SUGCT: variants seen among roughly 807,000 people sequenced by gnomAD.
SUGCT encodes the protein succinyl-CoA:glutarate CoA-transferase.
SUGCT carries 41 observed loss-of-function variants against 55.0 expected under a neutral mutation model. The ratio of observed to expected loss-of-function variants is 0.74; its 90% CI spans 0.58 to 0.97. The LOEUF is 0.97. Ranked by LOEUF, SUGCT falls within the 50% of genes least tolerant of loss-of-function variation. The pLI, the probability that SUGCT is intolerant of heterozygous loss-of-function variation, is 0.00. For missense variants in SUGCT, 568 were observed against 547.8 expected, an observed-to-expected ratio of 1.04 and a Z score of -0.37; for synonymous variants, 187 against 200.4, an observed-to-expected ratio of 0.93 and a Z score of 0.56.
At chr7:40,780,083 C>A (rs531021428) in intron 13 of SUGCT, among the ~76,000 whole-genome samples, 1 of 152,158 alleles carries the variant, frequency 6.6e-6, no homozygotes, top group Non-Finnish European at 1.5e-5. Flanking sequence ...CTTCCTCTTT[C>A]TAGAAGTGGT....
chr7:40,624,534 A>G (rs1330045414), intron 12 of SUGCT, among the ~76,000 whole-genome samples: 2 of 152,198 alleles, frequency 1.3e-5, no homozygotes, highest in Admixed American at 6.5e-5. Flanking sequence ...CTAGAATCAC[A>G]GGATAAGTGA....
At chr7:40,690,922 T>C (rs958419449) in intron 12 of SUGCT, among the ~76,000 whole-genome samples, 5 of 152,302 alleles carry the variant, frequency 3.3e-5, no homozygotes, top group Middle Eastern at 6.8e-3. Flanking sequence ...ACCTAAAGGT[T>C]GTAACTAGAA....
downstream of SUGCT, among the ~76,000 whole-genome samples, chr7:40,863,067 C>T (rs993553049): frequency 4.6e-5 from 7 of 151,962 alleles, no homozygotes; most frequent in African/African-American, 9.7e-5. Context: ...GGTGAAACCC[C>T]GTCTCTACTA....
At chr7:40,360,318 AT>A (rs112480367) in intron 9 of SUGCT, among the ~76,000 whole-genome samples, 85 of 151,946 alleles carry the variant, frequency 5.6e-4, no homozygotes, top group African/African-American at 2.0e-3. Context: ...CCAGCCTAAG[AT>A]TTTTTTTTAA....
chr7:40,824,301 C>A (rs771610408), intron 13 of SUGCT, among the ~76,000 whole-genome samples: 2 of 151,936 alleles, frequency 1.3e-5, no homozygotes, highest in African/African-American at 4.8e-5. Flanking sequence ...AAGAATCTTT[C>A]CTGTTAGGCC....
chr7:40,761,614 G>A (rs1224441206), intron 13 of SUGCT, among the ~76,000 whole-genome samples: 1 of 152,206 alleles, frequency 6.6e-6, no homozygotes, highest in Non-Finnish European at 1.5e-5. Flanking sequence ...TCTGAAATGT[G>A]TTTGCCTAAG....
intron 12 of SUGCT, among the ~76,000 whole-genome samples, chr7:40,630,886 G>A (rs1799759166): frequency 7.1e-6 from 1 of 140,754 alleles, no homozygotes; most frequent in Non-Finnish European, 1.5e-5. Flanking sequence ...CACACACGGG[G>A]TCGGGGGGGT....
chr7:40,708,976 A>G (rs1384260369), intron 12 of SUGCT, among the ~76,000 whole-genome samples: 1 of 152,216 alleles, frequency 6.6e-6, no homozygotes, highest in Non-Finnish European at 1.5e-5. Context: ...CCTAGAACAT[A>G]GAGGAGCAGT....
At chr7:40,527,185 C>G (rs1793845110) in intron 12 of SUGCT, among the ~76,000 whole-genome samples, 1 of 152,148 alleles carries the variant, frequency 6.6e-6, no homozygotes. Context: ...CAAAAAGGTT[C>G]TGTGTGATCA....
chr7:40,310,489 G>A (rs73320534), intron 8 of SUGCT, among the ~76,000 whole-genome samples: 1,834 of 152,274 alleles, frequency 0.012, 30 homozygotes, highest in African/African-American at 0.042. Context: ...ATCTGAGTAT[G>A]TGGGTTTTAG....
chr7:40,783,835 A>G (rs1255504671), intron 13 of SUGCT, among the ~76,000 whole-genome samples: 3 of 152,282 alleles, frequency 2.0e-5, no homozygotes, highest in East Asian at 3.9e-4. Context: ...TTTGACCTGA[A>G]TTACTATGGT....
chr7:40,358,982 A>T (rs1798014587), intron 9 of SUGCT, among the ~76,000 whole-genome samples: 1 of 152,168 alleles, frequency 6.6e-6, no homozygotes, highest in Non-Finnish European at 1.5e-5. Flanking sequence ...TTAGCCAAAG[A>T]TACATTTTAC....
At chr7:40,686,965 C>T (rs1371774521) in intron 12 of SUGCT, among the ~76,000 whole-genome samples, 1 of 152,106 alleles carries the variant, frequency 6.6e-6, no homozygotes, top group Admixed American at 6.6e-5. Context: ...ACCCACCTTC[C>T]TCAGGTTACT....
At chr7:40,771,444 C>T (rs1337856292) in intron 13 of SUGCT, among the ~76,000 whole-genome samples, 1 of 151,976 alleles carries the variant, frequency 6.6e-6, no homozygotes, top group African/African-American at 2.4e-5. Flanking sequence ...TTCTAATGTG[C>T]CCCTTTCCTG....
At chr7:40,736,332 AT>A (rs1488107700) in intron 12 of SUGCT, among the ~76,000 whole-genome samples, 1 of 147,878 alleles carries the variant, frequency 6.8e-6, no homozygotes, top group African/African-American at 2.5e-5. Flanking sequence ...TTATATATAC[AT>A]TTATGTGTAT....
At chr7:40,784,140 T>C (rs1264499988) in intron 13 of SUGCT, among the ~76,000 whole-genome samples, 1 of 152,124 alleles carries the variant, frequency 6.6e-6, no homozygotes, top group African/African-American at 2.4e-5. Context: ...ATGTGGCACA[T>C]TGATACTCAC....
chr7:40,171,925 AG>A (rs1447160089), intron 1 of SUGCT, among the ~76,000 whole-genome samples: 1 of 152,212 alleles, frequency 6.6e-6, no homozygotes, highest in Non-Finnish European at 1.5e-5. Context: ...TTAAAGGAAT[AG>A]GGTATATACT....
At chr7:40,480,795 T>C (rs1417327673) in intron 11 of SUGCT, among the ~76,000 whole-genome samples, 1 of 152,128 alleles carries the variant, frequency 6.6e-6, no homozygotes, top group Non-Finnish European at 1.5e-5. Context: ...CTGAGTAATG[T>C]ATTGGAGAAT....
the SUGCT span, among the ~76,000 whole-genome samples, chr7:40,979,115 C>T: frequency 6.6e-6 from 1 of 152,086 alleles, no homozygotes; most frequent in Non-Finnish European, 1.5e-5. Flanking sequence ...TATGCTTGTG[C>T]CTCCACAAAA....
Sources: gnomAD v4.1 joint callset for allele counts (sites outside exome capture counted in the v4.1 genomes callset) on GRCh38, gnomAD v4.1.1 for gene constraint, MANE v1.5 for transcripts, NCBI Gene and HGNC (gene_info 2026-07-23, HGNC 2026-07-21) for gene names.